TBC1D10A: variants seen among roughly 807,000 people sequenced by gnomAD.
The protein encoded by TBC1D10A is EBP50-PDX interactor of 64 kDa.
Under a neutral mutation model 52.9 loss-of-function variants are expected in TBC1D10A, and 24 were observed. That is an observed-to-expected ratio of 0.45 (90% CI 0.33 to 0.64). TBC1D10A has a LOEUF of 0.64. TBC1D10A is among the 30% of genes least tolerant of loss of function. The pLI is 0.02. For missense variants in TBC1D10A, 602 were observed against 687.9 expected, an observed-to-expected ratio of 0.88 and a Z score of 1.40; for synonymous variants, 278 against 282.9, an observed-to-expected ratio of 0.98 and a Z score of 0.17.
chr22:30,293,571 G>T (rs960290807), intron 8 of TBC1D10A, 80 bp downstream of exon 8: 326 of 1,543,590 alleles, frequency 2.1e-4, no homozygotes, highest in Non-Finnish European at 2.3e-4. Context: ...CTCAGGGGCT[G>T]AGGGTTAGCG....
intron 1 of TBC1D10A, among the ~76,000 whole-genome samples, chr22:30,315,363 CCAA>C (rs1294110878): frequency 6.6e-6 from 1 of 152,184 alleles, no homozygotes; most frequent in Non-Finnish European, 1.5e-5. Flanking sequence ...GGGTGCTTTA[CCAA>C]CAACATCTCC....
At chr22:30,303,546 A>G (rs1331847372) in intron 2 of TBC1D10A, among the ~76,000 whole-genome samples, 3 of 152,240 alleles carry the variant, frequency 2.0e-5, no homozygotes, top group African/African-American at 7.2e-5. Flanking sequence ...GAAGTTCCAC[A>G]GTTAGCCACA....
At position 30,309,322 on chromosome 22, in the gene TBC1D10A, C is replaced by A. The variant is rs545281231; in HGVS notation, c.210-4692G>T. Among the ~76,000 whole-genome samples the A allele has an allele frequency of 4.7e-3, 721 of 152,170 alleles. 8 individuals carry two copies. Among genetic ancestry groups the A allele is most frequent in the Non-Finnish European group, 4.3e-3 (295 of 68,000 alleles). ...CATGATCTCAGCTCACTGCAACCTCCACCTCCCGGGTTTAAGTGATTCTCT... is the reference window on the plus strand; with the variant it reads ...CATGATCTCAGCTCACTGCAACCTCAACCTCCCGGGTTTAAGTGATTCTCT... On this transcript the variant is annotated intron_variant, in intron 1 of 8. Transcript: ENST00000215790.
In TBC1D10A at chr22:30,311,558, G is replaced by C. The variant is rs564626464; in HGVS notation, c.210-6928C>G. 1.7e-3 allele frequency among the ~76,000 whole-genome samples: 264 copies of C among 152,208 alleles called. 4 individuals carry two copies. The South Asian group carries it at 0.025, about 14-fold the overall frequency. ...CCCTGGCTCTGCTCCTTCTAGTGCT[G>C]GGTCAGTGCACAATGGTAAACAGGT... On this transcript the variant is annotated intron_variant, in intron 1 of 8. Transcript: ENST00000215790.
chr22:30,310,504 T>C (rs1930402746), intron 1 of TBC1D10A, among the ~76,000 whole-genome samples: 2 of 152,302 alleles, frequency 1.3e-5, no homozygotes, highest in South Asian at 2.1e-4. Flanking sequence ...GCTCTACCGC[T>C]TTACAGCTGT....
At chr22:30,311,269 A>T (rs1930419841) in intron 1 of TBC1D10A, among the ~76,000 whole-genome samples, 1 of 152,128 alleles carries the variant, frequency 6.6e-6, no homozygotes, top group Admixed American at 6.5e-5. Flanking sequence ...GGACTGGGAA[A>T]CCTATGAGAT....
chr22:30,305,820 TAGC>T (rs1930299712), intron 1 of TBC1D10A, among the ~76,000 whole-genome samples: 1 of 151,960 alleles, frequency 6.6e-6, no homozygotes, highest in Non-Finnish European at 1.5e-5. Context: ...GGCCTGAGAG[TAGC>T]CTTGGAACTG....
intron 1 of TBC1D10A, among the ~76,000 whole-genome samples, chr22:30,322,279 C>T (rs1032312109): frequency 6.6e-6 from 1 of 152,122 alleles, no homozygotes; most frequent in Non-Finnish European, 1.5e-5. Context: ...CTGCACCCGG[C>T]CCTTCCTGGG....
chr22:30,317,559 T>A lies in TBC1D10A; in HGVS notation c.209+9114A>T, dbSNP rs1310687665. 2.0e-5 allele frequency among the ~76,000 whole-genome samples: 3 copies of A among 152,180 alleles called. No individual in the cohort carries two copies. The South Asian group carries it at 6.2e-4, about 32-fold the overall frequency. Reference sequence around the variant, plus strand: ...TTACACTATGCTCCTAATCCAATTATCTCATTTGATCCTCACAATCCTTTG... The same window carrying A: ...TTACACTATGCTCCTAATCCAATTAACTCATTTGATCCTCACAATCCTTTG... On this transcript the variant is annotated intron_variant, in intron 1 of 8. Coordinates refer to ENST00000215790, the MANE Select transcript of TBC1D10A (RefSeq NM_031937.3).
In TBC1D10A at chr22:30,299,884, T is replaced by C. The variant is rs146189070; in HGVS notation, c.310-333A>G. On this transcript the variant is annotated intron_variant, in intron 2 of 8. Coordinates refer to ENST00000215790, the MANE Select transcript of TBC1D10A (RefSeq NM_031937.3). The stretch of plus-strand genomic sequence containing the variant: ...CGGGAGGCTAAGGCAGGAGAATCAT[T>C]TGAACCCGGGAAGCAGAGTTGCAGT... The C allele has an allele frequency of 9.2e-3, 1,892 of 206,584 alleles. 45 individuals are homozygous for C. Among genetic ancestry groups the C allele is most frequent in the African/African-American group, 0.043 (1,824 of 42,578 alleles). 12.8% of individuals were successfully genotyped at this position (206,584 alleles called of 1,614,324 possible).
At chr22:30,315,309 C>T (rs527307811) in intron 1 of TBC1D10A, among the ~76,000 whole-genome samples, 14 of 152,300 alleles carry the variant, frequency 9.2e-5, no homozygotes, top group African/African-American at 3.1e-4. Context: ...TTGTGAGAGC[C>T]GCCATGTTCC....
At chr22:30,317,841 C>T (rs1023359427) in intron 1 of TBC1D10A, among the ~76,000 whole-genome samples, 1 of 152,180 alleles carries the variant, frequency 6.6e-6, no homozygotes, top group Non-Finnish European at 1.5e-5. Context: ...TGTCTGATTT[C>T]CCTGTGAGGG....
intron 2 of TBC1D10A, among the ~76,000 whole-genome samples, chr22:30,302,526 G>A (rs1395862020): frequency 2.0e-5 from 3 of 152,186 alleles, no homozygotes; most frequent in Non-Finnish European, 2.9e-5. Flanking sequence ...CCTGTGCCAC[G>A]ACTTCCTGAC....
chr22:30,295,430 A>C (rs13056253), intron 4 of TBC1D10A, among the ~76,000 whole-genome samples: 1 of 151,986 alleles, frequency 6.6e-6, no homozygotes, highest in Non-Finnish European at 1.5e-5. Flanking sequence ...TGCCTGCCCT[A>C]TCTCTCCCCT....
At chr22:30,322,507 G>C (rs900395474) in intron 1 of TBC1D10A, among the ~76,000 whole-genome samples, 7 of 151,446 alleles carry the variant, frequency 4.6e-5, no homozygotes, top group African/African-American at 1.7e-4. Context: ...AAAGGCCTAG[G>C]ACTGGGAATC....
intron 1 of TBC1D10A, among the ~76,000 whole-genome samples, chr22:30,326,435 G>C (rs1459320376): frequency 6.6e-6 from 1 of 151,590 alleles, no homozygotes; most frequent in Non-Finnish European, 1.5e-5. Context: ...AGTCTGTCCG[G>C]AGGGTGGAGG....
At chr22:30,310,281 T>G (rs950544220) in intron 1 of TBC1D10A, among the ~76,000 whole-genome samples, 5 of 152,214 alleles carry the variant, frequency 3.3e-5, no homozygotes, top group Non-Finnish European at 5.9e-5. Flanking sequence ...GCCTGGTGGG[T>G]GGCCAGCAAA....
chr22:30,321,873 G>T (rs778236996), intron 1 of TBC1D10A, among the ~76,000 whole-genome samples: 1 of 152,090 alleles, frequency 6.6e-6, no homozygotes, highest in African/African-American at 2.4e-5. Context: ...CTACAGAAGG[G>T]ACACCAAACA....
At chr22:30,302,181 C>G (rs957868188) in intron 2 of TBC1D10A, among the ~76,000 whole-genome samples, 2 of 152,150 alleles carry the variant, frequency 1.3e-5, no homozygotes, top group Non-Finnish European at 2.9e-5. Context: ...CCCTGCCTGC[C>G]TTAGGGAGGA....
Sources: gnomAD v4.1 joint callset for allele counts (sites outside exome capture counted in the v4.1 genomes callset) on GRCh38, gnomAD v4.1.1 for gene constraint, MANE v1.5 for transcripts, NCBI Gene and HGNC (gene_info 2026-07-23, HGNC 2026-07-21) for gene names.